RBM34: variants seen among roughly 807,000 people sequenced by gnomAD.
The protein encoded by RBM34 is RNA-binding protein 34.
Under a neutral mutation model 44.6 loss-of-function variants are expected in RBM34, and 39 were observed. That is an observed-to-expected ratio of 0.87 (90% CI 0.68 to 1.14). The LOEUF (loss-of-function observed/expected upper bound fraction) is 1.14, where lower values mean the gene tolerates loss of function less well. Among genes scored for constraint, RBM34 ranks in the 50% most tolerant of loss-of-function variants. The pLI, the probability that RBM34 is intolerant of heterozygous loss-of-function variation, is 0.00. For synonymous variants in RBM34, 194 were observed against 184.0 expected (o/e 1.05, Z -0.44); for missense variants, 572 against 517.9 (o/e 1.10, Z -1.01).
chr1:235,160,861 G>C (rs1174365739), intron 2 of RBM34, 32 bp downstream of exon 2: 1 of 1,609,486 alleles, frequency 6.2e-7, no homozygotes, highest in Admixed American at 1.7e-5. Context: ...TGGTTCTAAC[G>C]AGCTATTCGG....
At chr1:235,152,118 G>A (rs1046226012) in intron 5 of RBM34, among the ~76,000 whole-genome samples, 6 of 151,784 alleles carry the variant, frequency 4.0e-5, no homozygotes, top group Admixed American at 2.6e-4. Context: ...ACTATGGTAC[G>A]TCAACTAACT....
chr1:235,132,084 C>A, intron 10 of RBM34, 87 bp from the exon 11 acceptor site: 2 of 1,304,374 alleles, frequency 1.5e-6, no homozygotes, highest in Admixed American at 4.6e-5. Flanking sequence ...CAGATGAGAA[C>A]GACTTTCAAG....
chr1:235,139,420 G>A (rs1369631118), intron 6 of RBM34, among the ~76,000 whole-genome samples: 3 of 152,110 alleles, frequency 2.0e-5, no homozygotes, highest in Non-Finnish European at 4.4e-5. Context: ...TCTCCAACAC[G>A]GTGTTTTTTT....
Position 235,138,191 on chromosome 1 carries a change from A to AAG in RBM34, c.702-18_702-17insCT. On this transcript the variant is annotated splice_polypyrimidine_tract_variant and intron_variant, in intron 6 of 10. Transcript: ENST00000408888. ...ATTTTACGTCTACACCAAAAAAAAA[A>AAG]AAAGAAAGAAAGAAAAGAGAGACAA... The AAG allele has an allele frequency of 6.5e-7, 1 of 1,550,058 alleles. No individual in the cohort carries two copies. The highest frequency in any genetic ancestry group is 8.7e-7 in the Non-Finnish European group (1 of 1,147,364).
intron 6 of RBM34, among the ~76,000 whole-genome samples, chr1:235,142,091 G>A (rs959672005): frequency 3.9e-5 from 6 of 152,082 alleles, no homozygotes; most frequent in Admixed American, 1.3e-4. Context: ...TCCAGCTACC[G>A]GGGGAGAGGT....
intron 8 of RBM34, among the ~76,000 whole-genome samples, chr1:235,136,919 T>C (rs551738021): frequency 3.5e-4 from 54 of 152,354 alleles, no homozygotes; most frequent in African/African-American, 1.3e-3. Flanking sequence ...CCATTTATAC[T>C]GTTTTTCCTC....
At chr1:235,140,044 G>T (rs969692215) in intron 6 of RBM34, among the ~76,000 whole-genome samples, 1 of 152,248 alleles carries the variant, frequency 6.6e-6, no homozygotes, top group Non-Finnish European at 1.5e-5. Flanking sequence ...GGTGCTGCAG[G>T]CCTGGAGGAC....
chr1:235,134,988 C>T (rs1175498824), intron 10 of RBM34, among the ~76,000 whole-genome samples: 1 of 151,994 alleles, frequency 6.6e-6, no homozygotes, highest in Non-Finnish European at 1.5e-5. Context: ...AGGTGATCCA[C>T]CCGCCTCGGC....
At chr1:235,154,037 G>A (rs1662286869) in intron 4 of RBM34, among the ~76,000 whole-genome samples, 1 of 152,036 alleles carries the variant, frequency 6.6e-6, no homozygotes, top group South Asian at 2.1e-4. Flanking sequence ...ACAAGGTCAG[G>A]AAATCGAGAC....
At chr1:235,160,376 T>C in intron 3 of RBM34, 135 bp downstream of exon 3, 4 of 1,169,740 alleles carry the variant, frequency 3.4e-6, no homozygotes, top group Non-Finnish European at 5.0e-6. Context: ...AACTTTTCTA[T>C]ATGTACTGGA....
At chr1:235,157,943 A>G (rs764164617) in intron 3 of RBM34, among the ~76,000 whole-genome samples, 14 of 152,146 alleles carry the variant, frequency 9.2e-5, no homozygotes, top group Non-Finnish European at 1.6e-4. Flanking sequence ...GGGTGAACAG[A>G]TCAAGAGAAG....
chr1:235,148,503 T>A (rs1662009362), intron 5 of RBM34, 56 bp from the exon 6 acceptor site: 3 of 1,354,366 alleles, frequency 2.2e-6, no homozygotes, highest in East Asian at 4.8e-5. Context: ...TACCTCAAAT[T>A]AATATTTTAA....
intron 5 of RBM34, among the ~76,000 whole-genome samples, chr1:235,149,907 T>C (rs1448830238): frequency 1.3e-5 from 2 of 152,196 alleles, no homozygotes; most frequent in Non-Finnish European, 2.9e-5. Context: ...CTGTTTGCAG[T>C]TTATCTTGCT....
intron 4 of RBM34, among the ~76,000 whole-genome samples, chr1:235,154,324 C>T (rs1422086355): frequency 2.0e-5 from 3 of 151,448 alleles, no homozygotes. Flanking sequence ...GAAGTCCCAG[C>T]ACCTTGGGAG....
chr1:235,144,987 G>A (rs1364880923), intron 6 of RBM34, among the ~76,000 whole-genome samples: 1 of 152,148 alleles, frequency 6.6e-6, no homozygotes, highest in Non-Finnish European at 1.5e-5. Flanking sequence ...AGATTACGGT[G>A]AGCTGAGATC....
intron 6 of RBM34, among the ~76,000 whole-genome samples, chr1:235,141,490 C>T (rs529730695): frequency 6.6e-6 from 1 of 152,302 alleles, no homozygotes; most frequent in African/African-American, 2.4e-5. Flanking sequence ...AAACAGACCA[C>T]TCGGCTCTAC....
At position 235,135,673 on chromosome 1, in the gene RBM34, C is replaced by T. The variant is rs1433554398; in HGVS notation, c.987G>A (p.Gly329=). 1 of 1,614,084 alleles carries T rather than the reference C, an allele frequency of 6.2e-7. No individual in the cohort carries two copies. Among genetic ancestry groups the T allele is most frequent in the Non-Finnish European group, 8.5e-7 (1 of 1,179,926 alleles). ...ATACCTCAAAGAGCACATAGCCAAACCCTTTGCCGATGCCTGTCATTTTGT... is the reference window on the plus strand; with the variant it reads ...ATACCTCAAAGAGCACATAGCCAAATCCTTTGCCGATGCCTGTCATTTTGT... ...VRDKMTGIGK[G]FGYVLFENTD... The change falls in exon 10 of 11, where the codon GGG becomes GGA. Residue 329 remains glycine (G), a synonymous_variant. Coordinates refer to ENST00000408888, the MANE Select transcript of RBM34 (RefSeq NM_015014.4).
Position 235,154,889 on chromosome 1 carries a change from T to C in RBM34, c.589A>G (p.Asn197Asp), listed in dbSNP as rs749691967. The C allele has an allele frequency of 6.2e-7, 1 of 1,612,412 alleles. No homozygotes were observed. Among genetic ancestry groups the C allele is most frequent in the Non-Finnish European group, 8.5e-7 (1 of 1,178,680 alleles). The change falls in exon 4 of 11, where the codon AAT becomes GAT. Residue 197 changes from asparagine (N) to aspartate (D), a missense_variant. By Grantham distance (23) the Asn-to-Asp change is conservative. Transcript: ENST00000408888. ...ACCATATACAAACTCACCTTCTTAT[T>C]ACATGTAACAGGCAAATTCCCAACA... Reference protein sequence around the residue: ...VFVGNLPVTCNKKKLKSFFKE... With the variant: ...VFVGNLPVTCDKKKLKSFFKE...
At chr1:235,158,656 G>T (rs1662556469) in intron 3 of RBM34, among the ~76,000 whole-genome samples, 1 of 152,158 alleles carries the variant, frequency 6.6e-6, no homozygotes, top group African/African-American at 2.4e-5. Context: ...CCAACTGTCA[G>T]TGATTAACAG....
Sources: gnomAD v4.1 joint callset for allele counts (sites outside exome capture counted in the v4.1 genomes callset) on GRCh38, gnomAD v4.1.1 for gene constraint, MANE v1.5 for transcripts, NCBI Gene and HGNC (gene_info 2026-07-23, HGNC 2026-07-21) for gene names.